The following TTC6 variants were observed in gnomAD, a reference collection of about 807,000 sequenced individuals.
The protein encoded by TTC6 is tetratricopeptide repeat domain 6.
In TTC6, 172 loss-of-function variants were observed where a neutral mutation model predicts 210.4. The observed-to-expected ratio is 0.82, with a 90% CI of 0.72 to 0.93. The LOEUF (loss-of-function observed/expected upper bound fraction) is 0.93, where lower values mean the gene tolerates loss of function less well. TTC6 is among the 40% of genes least tolerant of loss of function. The pLI is 0.00. For missense variants in TTC6, 2,414 were observed against 2,318.1 expected (o/e 1.04, Z -0.85); for synonymous variants, 804 against 819.6 (o/e 0.98, Z 0.32).
intron 1 of TTC6, among the ~76,000 whole-genome samples, chr14:37,652,939 T>C (rs1406170392): frequency 6.6e-6 from 1 of 152,252 alleles, no homozygotes; most frequent in South Asian, 2.1e-4. Flanking sequence ...TCCTATACAG[T>C]TCATGATTGC....
chr14:37,602,200 TG>T (rs1407814087), intron 1 of TTC6, among the ~76,000 whole-genome samples: 1 of 152,256 alleles, frequency 6.6e-6, no homozygotes, highest in African/African-American at 2.4e-5. Flanking sequence ...GCCTCTTAGC[TG>T]GCCGTGGCGG....
intron 11 of TTC6, 93 bp from the exon 14 acceptor site, chr14:37,749,621 C>A: frequency 9.5e-7 from 1 of 1,054,978 alleles, no homozygotes; most frequent in Non-Finnish European, 1.2e-6. Context: ...ACATACAAAG[C>A]CACTGGGATC....
At chr14:37,726,605 C>A (rs71407731) in intron 7 of TTC6, among the ~76,000 whole-genome samples, 8,650 of 151,372 alleles carry the variant, frequency 0.057, 379 homozygotes, top group Non-Finnish European at 0.089. Context: ...TATCAGAGCT[C>A]TTCTTTATAA....
chr14:37,650,158 T>C (rs455703), intron 1 of TTC6, among the ~76,000 whole-genome samples: 1 of 152,186 alleles, frequency 6.6e-6, no homozygotes, highest in Admixed American at 6.5e-5. Context: ...CTGGCACAGG[T>C]GTGCCCCGGC....
intron 14 of TTC6, among the ~76,000 whole-genome samples, chr14:37,783,543 A>G (rs1186106511): frequency 1.3e-5 from 2 of 151,708 alleles, no homozygotes; most frequent in South Asian, 2.1e-4. Flanking sequence ...TAGTCTTGCT[A>G]GTGGTCTATC....
chr14:37,621,748 C>A (rs1368197428), upstream of TTC6, among the ~76,000 whole-genome samples: 2 of 152,072 alleles, frequency 1.3e-5, no homozygotes, highest in Non-Finnish European at 2.9e-5. Flanking sequence ...TATGATGCTG[C>A]TTGCCTGGAA....
intron 26 of TTC6, among the ~76,000 whole-genome samples, chr14:37,818,686 G>A (rs2096148204): frequency 6.6e-6 from 1 of 151,960 alleles, no homozygotes; most frequent in Non-Finnish European, 1.5e-5. Context: ...TACCATAACT[G>A]GAACTTCTGA....
intron 3 of TTC6, among the ~76,000 whole-genome samples, chr14:37,696,094 G>C (rs1207619770): frequency 6.6e-6 from 1 of 152,068 alleles, no homozygotes; most frequent in Non-Finnish European, 1.5e-5. Flanking sequence ...AGTTGCAATA[G>C]CTCCTTCTTT....
At chr14:37,601,763 C>A (rs890956152) in intron 1 of TTC6, among the ~76,000 whole-genome samples, 8 of 152,136 alleles carry the variant, frequency 5.3e-5, no homozygotes, top group Non-Finnish European at 1.2e-4. Context: ...TCCTGGGCAC[C>A]TGGACGTGGG....
intron 5 of TTC6, among the ~76,000 whole-genome samples, chr14:37,709,716 T>A (rs1828113331): frequency 7.1e-6 from 1 of 141,780 alleles, no homozygotes; most frequent in Admixed American, 7.0e-5. Flanking sequence ...AAAAAAAAAA[T>A]TATATAGTTA....
chr14:37,697,198 A>G (rs542389071), intron 4 of TTC6, among the ~76,000 whole-genome samples: 4 of 152,084 alleles, frequency 2.6e-5, no homozygotes, highest in Non-Finnish European at 5.9e-5. Context: ...TTTTTTTATG[A>G]TAAAATAAAA....
At chr14:37,673,141 C>T (rs1031761502) in intron 1 of TTC6, among the ~76,000 whole-genome samples, 1 of 151,906 alleles carries the variant, frequency 6.6e-6, no homozygotes, top group African/African-American at 2.4e-5. Context: ...AATACAGGGT[C>T]CAGTCACCCA....
intron 1 of TTC6, among the ~76,000 whole-genome samples, chr14:37,600,985 G>A (rs2095614605): frequency 6.6e-6 from 1 of 152,220 alleles, no homozygotes; most frequent in Admixed American, 6.5e-5. Flanking sequence ...ACACTATGAA[G>A]CAGCCTCCTT....
chr14:37,795,416 C>T (rs1296374285), intron 18 of TTC6, 64 bp downstream of exon 20: 6 of 1,097,678 alleles, frequency 5.5e-6, no homozygotes, highest in Non-Finnish European at 6.4e-6. Flanking sequence ...GAATGGGGAT[C>T]TTCAGTTCCC....
At position 37,785,326 on chromosome 14, in the gene TTC6, T is replaced by C. The variant is rs577146739; in HGVS notation, c.3267-2142T>C. Among the ~76,000 whole-genome samples the C allele has an allele frequency of 1.4e-4, 21 of 152,312 alleles. No individual in the cohort carries two copies. The East Asian group carries it at 4.1e-3, about 29-fold the overall frequency. On this transcript the variant is annotated intron_variant, in intron 14 of 30. Transcript: ENST00000553443. ...CTTGGAGGCTTTGTTTATTTCTTTTTACTCTTTTTTCTCTAAACTTTTCAC... is the reference window on the plus strand; with the variant it reads ...CTTGGAGGCTTTGTTTATTTCTTTTCACTCTTTTTTCTCTAAACTTTTCAC...
At chr14:37,779,290 G>A (rs1009945816) in intron 14 of TTC6, among the ~76,000 whole-genome samples, 5 of 152,108 alleles carry the variant, frequency 3.3e-5, no homozygotes, top group African/African-American at 9.7e-5. Context: ...GATCTGCTGC[G>A]AGTGCCAGTC....
upstream of TTC6, chr14:37,622,020 A>G: frequency 1.5e-6 from 2 of 1,358,974 alleles, no homozygotes; most frequent in South Asian, 1.4e-5. Flanking sequence ...CACACAACAT[A>G]TGTGATTGTT....
chr14:37,778,776 T>C (rs1322926283), intron 14 of TTC6, among the ~76,000 whole-genome samples: 2 of 152,204 alleles, frequency 1.3e-5, no homozygotes, highest in South Asian at 2.1e-4. Context: ...GAGGCTGCAC[T>C]ATGAGCAGGT....
intron 14 of TTC6, among the ~76,000 whole-genome samples, chr14:37,778,866 G>A (rs1310981397): frequency 6.6e-6 from 1 of 152,128 alleles, no homozygotes; most frequent in Admixed American, 6.5e-5. Flanking sequence ...TCCAGGGCAA[G>A]GTTGCCCTGC....
Sources: gnomAD v4.1 joint callset for allele counts (sites outside exome capture counted in the v4.1 genomes callset) on GRCh38, gnomAD v4.1.1 for gene constraint, MANE v1.5 for transcripts, NCBI Gene and HGNC (gene_info 2026-07-23, HGNC 2026-07-21) for gene names.